Variants in RPAP1 observed in about 807,000 individuals in gnomAD.
RPAP1 encodes RNA polymerase II-associated protein 1.
Under a neutral mutation model 142.4 loss-of-function variants are expected in RPAP1, and 109 were observed. The observed-to-expected ratio is 0.77, with a 90% CI of 0.66 to 0.90. The LOEUF is 0.90. Among genes scored for constraint, RPAP1 ranks in the 40% least tolerant of loss-of-function variants. RPAP1 has a pLI of 0.00. For missense variants in RPAP1, 1,546 were observed against 1,751.7 expected, an observed-to-expected ratio of 0.88 and a Z score of 2.10; for synonymous variants, 704 against 738.9, an observed-to-expected ratio of 0.95 and a Z score of 0.77.
rs185313845 is a variant in RPAP1 at position 41,540,404 on chromosome 15, C to T, written c.-76-3203G>A. The stretch of plus-strand genomic sequence containing the variant: ...GCAACCTCCGCCTCCCAGGTTCAAG[C>T]GATTCTCCTGCCTCAGTCTCCCTAG... On this transcript the variant is annotated intron_variant, in intron 1 of 24. Transcript: ENST00000304330. 3.2e-3 allele frequency among the ~76,000 whole-genome samples: 488 copies of T among 151,606 alleles called. 7 individuals carry two copies. Among genetic ancestry groups the T allele is most frequent in the African/African-American group, 0.011 (471 of 41,332 alleles).
Position 41,536,523 on chromosome 15 carries a change from G to A in RPAP1, c.308C>T (p.Thr103Ile), listed in dbSNP as rs2051909831. 34 of 1,614,188 alleles carry A rather than the reference G, an allele frequency of 2.1e-5. No individual in the cohort carries two copies. The highest frequency in any genetic ancestry group is 2.9e-5 in the Non-Finnish European group (34 of 1,180,038). ...ERLRRHDQHI[T>I]AVLTKIIERD... The stretch of plus-strand genomic sequence containing the variant: ...CACAATAATCTTAGTCAAGACAGCA[G>A]TGATGTGCTGATCATGCCTCCTCAG... Residue 103 changes from threonine (T) to isoleucine (I), a missense_variant, in exon 3 of 25, where the codon ACT (threonine) becomes ATT (isoleucine). Thr to Ile is a moderately conservative substitution (Grantham distance 89). Transcript: ENST00000304330.
In RPAP1 at chr15:41,534,811, C is replaced by G; in HGVS notation, c.666G>C (p.Gln222His). ...GKGLRDQEAE[Q>H]EAQTIHEENI... ...TCTCTTCATGGATAGTCTGGGCTTC[C>G]TGCTCAGCTTCTTGATCCCTGAGCC... The change falls in exon 6 of 25, where the codon CAG becomes CAC. Residue 222 changes from glutamine (Q) to histidine (H), a missense_variant. Around this residue, in one of 3 missense-constraint regions of RPAP1, gnomAD observed 1,333 missense variants for 1,486.6 expected, o/e 0.90. Transcript: ENST00000304330. 6.2e-7 allele frequency: 1 copy of G among 1,614,158 alleles called. No individual in the cohort carries two copies. The highest frequency in any genetic ancestry group is 2.2e-5 in the East Asian group (1 of 44,876).
rs576516218 is a variant in RPAP1, at chr15:41,526,919, C to T, written c.1896G>A (p.Gly632=). The stretch of plus-strand genomic sequence containing the variant: ...TCACCAGCCGGGCAGCAATATTCCT[C>T]CCAGCTGAGGCCAGGACACGAAGTA... ...MKLLRVLASA[G]RNIAARLLSS... The change falls in exon 14 of 25, where the codon GGG becomes GGA. Residue 632 remains glycine (G), a synonymous_variant. Transcript: ENST00000304330. 7 of 1,613,380 alleles carry T rather than the reference C, an allele frequency of 4.3e-6. No homozygotes were observed. The Admixed American group carries it at 6.7e-5, about 15-fold the overall frequency.
At position 41,537,023 on chromosome 15, in the gene RPAP1, T is replaced by C. The variant is rs1035908623; in HGVS notation, c.103A>G (p.Lys35Glu). 5.6e-6 allele frequency: 9 copies of C among 1,613,980 alleles called. No individual in the cohort carries two copies. The African/African-American group carries it at 8.0e-5, about 14-fold the overall frequency. Residue 35 changes from lysine (K) to glutamate (E), a missense_variant, in exon 2 of 25, where the codon AAA becomes GAA. By Grantham distance (56) the Lys-to-Glu change is moderately conservative. Coordinates refer to ENST00000304330, the MANE Select transcript of RPAP1 (RefSeq NM_015540.4). ...GCATCACCACCGCCCCTATTTCCTT[T>C]CTTCACCAACTGCACTGCTGGGGCT... ...GAAPAVQLVKKGNRGGGDANS... is the reference protein window; with the variant it reads ...GAAPAVQLVKEGNRGGGDANS...
At chr15:41,530,811 G>GA (rs1367880503) in intron 7 of RPAP1, among the ~76,000 whole-genome samples, 2 of 152,218 alleles carry the variant, frequency 1.3e-5, no homozygotes, top group Non-Finnish European at 2.9e-5. Flanking sequence ...GGAAGGCGGA[G>GA]AAGGGGCAGT....
chr15:41,517,702 G>T lies in RPAP1; in HGVS notation c.4033-11C>A, dbSNP rs1331286842. 6.2e-7 allele frequency: 1 copy of T among 1,612,594 alleles called. No individual in the cohort carries two copies. Among genetic ancestry groups the T allele is most frequent in the East Asian group, 2.2e-5 (1 of 44,850 alleles). ...GTGCTGCCGGAGACCCTGCAGAAAG[G>T]AAAGAAAACTTATGAAGTGGGTAAT... On this transcript the variant is annotated splice_polypyrimidine_tract_variant and intron_variant, in intron 24 of 24. Transcript: ENST00000304330.
chr15:41,531,608 T>TATATAC (rs2051848439), intron 6 of RPAP1, among the ~76,000 whole-genome samples: 11 of 27,528 alleles, frequency 4.0e-4, no homozygotes, highest in South Asian at 2.8e-3. Context: ...CACATATATA[T>TATATAC]ATATATATAT....
chr15:41,520,122 T>C (rs146499325), intron 22 of RPAP1: 6,066 of 419,454 alleles, frequency 0.014, 99 homozygotes, highest in South Asian at 0.054. Context: ...TTAGTAGAAA[T>C]GGGGTTTCAC....
chr15:41,520,295 G>A (rs1240477783), intron 22 of RPAP1, 96 bp downstream of exon 22: 2 of 1,362,592 alleles, frequency 1.5e-6, no homozygotes, highest in African/African-American at 1.4e-5. Context: ...GGTAAGATGA[G>A]GAAGCTGAGG....
chr15:41,527,104 G>T, intron 13 of RPAP1, 36 bp from the exon 14 acceptor site: 1 of 1,612,384 alleles, frequency 6.2e-7, no homozygotes, highest in Non-Finnish European at 8.5e-7. Flanking sequence ...AGGAAGGGAG[G>T]CTGTGGGTCA....
In RPAP1 at chr15:41,536,141, C is replaced by T. The variant is rs371099309; in HGVS notation, c.408G>A (p.Ser136=). The stretch of plus-strand genomic sequence containing the variant: ...TACCCTTGCCTACCTGTGTGTCCCG[C>T]GAGCGAAGGAACACAGCAGGGAAAG... ...GVAFPAVFLR[S]RDTQGKSATS... Residue 136 remains serine (S), a synonymous_variant, in exon 4 of 25, where the codon TCG becomes TCA. Transcript: ENST00000304330. 60 of 1,613,774 alleles carry T rather than the reference C, an allele frequency of 3.7e-5. No individual in the cohort carries two copies. The highest frequency in any genetic ancestry group is 2.4e-4 in the African/African-American group (18 of 74,870).
Position 41,520,838 on chromosome 15 carries a change from G to A in RPAP1, c.3348C>T (p.Thr1116=), listed in dbSNP as rs772711955. 2 of 1,613,908 alleles carry A rather than the reference G, an allele frequency of 1.2e-6. No individual in the cohort carries two copies. Among genetic ancestry groups the A allele is most frequent in the Non-Finnish European group, 8.5e-7 (1 of 1,180,032 alleles). Residue 1116 remains threonine, a synonymous_variant, in exon 22 of 25, where the codon ACC becomes ACT. Coordinates refer to ENST00000304330, the MANE Select transcript of RPAP1 (RefSeq NM_015540.4). ...TGTCTGTGGGAGAGAGTCCCGAGGG[G>A]GTGTCTGAAGCCCGGTGGTAGAGGC... ...LIRLYHRASD[T]PSGLSPTDTM...
Position 41,524,246 on chromosome 15 carries a change from T to G in RPAP1, c.2084A>C (p.Tyr695Ser), listed in dbSNP as rs1168041933. The change falls in exon 16 of 25, where the codon TAC (tyrosine) becomes TCC (serine). Residue 695 changes from tyrosine (Y) to serine (S), a missense_variant. This residue lies in a region of RPAP1 where 1,333 missense variants were observed against 1,486.6 expected (regional missense o/e 0.90). Transcript: ENST00000304330. Reference sequence around the variant, plus strand: ...CTGCAAGGCCCGCATCAGCACTGGGTAGAGCTCCCTAGGGAAGAACAGGGA... The same window carrying G: ...CTGCAAGGCCCGCATCAGCACTGGGGAGAGCTCCCTAGGGAAGAACAGGGA... Reference protein sequence around the residue: ...GQGGYLYRELYPVLMRALQVV... With the variant: ...GQGGYLYRELSPVLMRALQVV... 6.6e-7 allele frequency: 1 copy of G among 1,525,604 alleles called. No homozygotes were observed. 94.5% of individuals were successfully genotyped at this position (1,525,604 alleles called of 1,614,324 possible).
At position 41,524,176 on chromosome 15, in the gene RPAP1, G is replaced by A; in HGVS notation, c.2154C>T (p.Ser718=). ...ELSTHPPQPL[S]MQRIASLLTL... ...TGAGCAGTGAGGCTATCCGCTGCAT[G>A]GACAGGGGTTGAGGTGGGTGGGTGC... Residue 718 remains serine (S), a synonymous_variant, in exon 16 of 25, where the codon TCC becomes TCT. Coordinates refer to ENST00000304330, the MANE Select transcript of RPAP1 (RefSeq NM_015540.4). The A allele has an allele frequency of 6.3e-7, 1 of 1,596,558 alleles. No homozygotes were observed. The highest frequency in any genetic ancestry group is 8.5e-7 in the Non-Finnish European group (1 of 1,170,184).
At chr15:41,542,389 G>C (rs2051979242) in intron 1 of RPAP1, among the ~76,000 whole-genome samples, 2 of 152,188 alleles carry the variant, frequency 1.3e-5, no homozygotes, top group Admixed American at 6.6e-5. Flanking sequence ...CACGATTTCA[G>C]AGGTGGGAAA....
At chr15:41,542,704 C>A (rs2051981464) in intron 1 of RPAP1, among the ~76,000 whole-genome samples, 1 of 152,138 alleles carries the variant, frequency 6.6e-6, no homozygotes, top group South Asian at 2.1e-4. Flanking sequence ...CTTGTTTCCT[C>A]ATCTGTAACA....
rs1377635781 is a variant in RPAP1, at chr15:41,527,958, G to C, written c.1330C>G (p.Leu444Val). The C allele has an allele frequency of 6.2e-7, 1 of 1,614,128 alleles. No homozygotes were observed. The part of the protein sequence containing the change: ...VLSLLLDAGF[L>V]FLLRFSLDDR... Reference sequence around the variant, plus strand: ...TCCAAGGAGAAGCGCAGTAGGAAGAGGAAACCAGCATCCAAAAGGAGGCTT... The same window carrying C: ...TCCAAGGAGAAGCGCAGTAGGAAGACGAAACCAGCATCCAAAAGGAGGCTT... Residue 444 changes from leucine (L) to valine (V), a missense_variant, in exon 11 of 25, where the codon CTC (leucine) becomes GTC (valine). Leu to Val is a conservative substitution (Grantham distance 32, BLOSUM62 1). Transcript: ENST00000304330.
chr15:41,527,451 G>C lies in RPAP1; in HGVS notation c.1583C>G (p.Pro528Arg), dbSNP rs755969796. The C allele has an allele frequency of 1.9e-6, 3 of 1,614,242 alleles. No individual in the cohort carries two copies. The highest frequency in any genetic ancestry group is 2.5e-6 in the Non-Finnish European group (3 of 1,180,050). The change falls in exon 12 of 25, where the codon CCT becomes CGT. Residue 528 changes from proline (P) to arginine (R), a missense_variant. This residue lies in a region of RPAP1 where 1,333 missense variants were observed against 1,486.6 expected (regional missense o/e 0.90). Transcript: ENST00000304330. ...KSPEEESRPP[P>R]DLARHDVIKG... ...GATGACATCATGTCGGGCCAGGTCAGGTGGAGGCCGGCTTTCTTCTTCAGG... is the reference window on the plus strand; with the variant it reads ...GATGACATCATGTCGGGCCAGGTCACGTGGAGGCCGGCTTTCTTCTTCAGG...
Position 41,518,015 on chromosome 15 carries a change from T to C in RPAP1, c.3963A>G (p.Pro1321=). Residue 1321 remains proline, a synonymous_variant, in exon 23 of 25, where the codon CCA becomes CCG. Transcript: ENST00000304330. The stretch of plus-strand genomic sequence containing the variant: ...TGGAGATGTAACTTACTGAGCTCTG[T>C]GGGTCCTGAGAGAAGATGAAGCTAT... ...HVNSFIFSQD[P]QSSDEVKAAR... The C allele has an allele frequency of 1.2e-6, 2 of 1,614,130 alleles. No individual in the cohort carries two copies. The highest frequency in any genetic ancestry group is 1.7e-6 in the Non-Finnish European group (2 of 1,180,006).
Sources: allele counts gnomAD v4.1 joint callset (sites outside exome capture counted in the v4.1 genomes callset), GRCh38; gene constraint gnomAD v4.1.1; regional missense constraint gnomAD v4.1.1; transcripts MANE v1.5; gene names NCBI Gene and HGNC (gene_info 2026-07-23, HGNC 2026-07-21).